The following FHIT variants were observed in gnomAD, a reference collection of about 807,000 sequenced individuals.
FHIT encodes bis(5'-adenosyl)-triphosphatase.
Under a neutral mutation model 17.9 loss-of-function variants are expected in FHIT, and 19 were observed. That is an observed-to-expected ratio of 1.06 (90% CI 0.74 to 1.56). The LOEUF (loss-of-function observed/expected upper bound fraction) is 1.56, where lower values mean the gene tolerates loss of function less well. Ranked by LOEUF, FHIT falls within the 40% of genes most tolerant of loss-of-function variation. The pLI, the probability that FHIT is intolerant of heterozygous loss-of-function variation, is 0.00. For synonymous variants in FHIT, 81 were observed against 69.7 expected (o/e 1.16, Z -0.81); for missense variants, 248 against 189.2 (o/e 1.31, Z -1.82).
intron 5 of FHIT, among the ~76,000 whole-genome samples, chr3:60,152,922 T>G (rs1162577419): frequency 6.6e-6 from 1 of 152,204 alleles, no homozygotes; most frequent in Non-Finnish European, 1.5e-5. Flanking sequence ...ATGCTCATTT[T>G]GTAGCTACAA....
At chr3:60,052,720 T>C (rs1376288797) in intron 5 of FHIT, among the ~76,000 whole-genome samples, 1 of 149,784 alleles carries the variant, frequency 6.7e-6, no homozygotes, top group Non-Finnish European at 1.5e-5. Flanking sequence ...CCATCTAGGA[T>C]GGGATGGGAA....
At chr3:60,057,559 T>A (rs1374777420) in intron 5 of FHIT, among the ~76,000 whole-genome samples, 1 of 152,204 alleles carries the variant, frequency 6.6e-6, no homozygotes, top group Non-Finnish European at 1.5e-5. Flanking sequence ...ATATTGTGAT[T>A]CTGAAACCAA....
At chr3:59,956,953 A>G (rs927725205) in intron 7 of FHIT, among the ~76,000 whole-genome samples, 3 of 152,158 alleles carry the variant, frequency 2.0e-5, no homozygotes, top group Non-Finnish European at 4.4e-5. Flanking sequence ...ACTAATCTAA[A>G]TTGGTCATCA....
chr3:60,188,679 T>C (rs1576278447), intron 5 of FHIT, among the ~76,000 whole-genome samples: 1 of 152,296 alleles, frequency 6.6e-6, no homozygotes, highest in East Asian at 1.9e-4. Flanking sequence ...TGCATCATAA[T>C]ATATATCACA....
intron 4 of FHIT, among the ~76,000 whole-genome samples, chr3:60,545,830 A>G (rs993267816): frequency 6.9e-6 from 1 of 143,954 alleles, no homozygotes; most frequent in African/African-American, 2.6e-5. Flanking sequence ...AATAAGTTCT[A>G]TATACATGAG....
At chr3:61,131,429 C>G (rs982981143) in intron 2 of FHIT, among the ~76,000 whole-genome samples, 1 of 152,218 alleles carries the variant, frequency 6.6e-6, no homozygotes, top group Non-Finnish European at 1.5e-5. Flanking sequence ...ATTCTCCTTC[C>G]TCAGCACACT....
intron 2 of FHIT, among the ~76,000 whole-genome samples, chr3:61,051,829 C>T (rs2034039595): frequency 6.6e-6 from 1 of 152,074 alleles, no homozygotes; most frequent in African/African-American, 2.4e-5. Flanking sequence ...AAAGTAGAGT[C>T]AAAATTCATG....
At chr3:59,853,927 C>G (rs918697219) in intron 8 of FHIT, among the ~76,000 whole-genome samples, 1 of 152,032 alleles carries the variant, frequency 6.6e-6, no homozygotes, top group African/African-American at 2.4e-5. Flanking sequence ...CGTTGCAATC[C>G]ACACTCCTGC....
intron 5 of FHIT, among the ~76,000 whole-genome samples, chr3:60,042,185 T>G (rs1701469176): frequency 6.6e-6 from 1 of 152,184 alleles, no homozygotes; most frequent in Non-Finnish European, 1.5e-5. Context: ...GCATTAGAAA[T>G]TTATTAGAAG....
Position 60,747,238 on chromosome 3 carries a change from C to T in FHIT, c.-18+74681G>A, listed in dbSNP as rs560172153. Among the ~76,000 whole-genome samples the T allele has an allele frequency of 1.1e-3, 167 of 152,244 alleles. No individual in the cohort carries two copies. In the Middle Eastern group the frequency reaches 0.014, roughly 12 times the overall value. The stretch of plus-strand genomic sequence containing the variant: ...ACTGCTCCTCTCTGCCTGGAATTGT[C>T]TAATTCCTGCCATTCCTCGGATCTG... On this transcript the variant is annotated intron_variant, in intron 4 of 9. Transcript: ENST00000492590.
intron 5 of FHIT, among the ~76,000 whole-genome samples, chr3:60,197,600 A>G (rs1001395277): frequency 6.6e-6 from 1 of 152,214 alleles, no homozygotes; most frequent in Admixed American, 6.5e-5. Flanking sequence ...TGGTAACACT[A>G]TACAACATCC....
chr3:60,036,045 G>A (rs1270334410), intron 5 of FHIT, among the ~76,000 whole-genome samples: 1 of 152,168 alleles, frequency 6.6e-6, no homozygotes, highest in East Asian at 1.9e-4. Context: ...CATCCCAAGG[G>A]GAAGAGAAAA....
chr3:60,913,216 A>C (rs1553766333), intron 3 of FHIT, among the ~76,000 whole-genome samples: 1 of 152,174 alleles, frequency 6.6e-6, no homozygotes, highest in Non-Finnish European at 1.5e-5. Flanking sequence ...TATTTGTTTG[A>C]CTCTATAGTG....
At chr3:60,190,309 C>T (rs1053890097) in intron 5 of FHIT, among the ~76,000 whole-genome samples, 9 of 148,208 alleles carry the variant, frequency 6.1e-5, no homozygotes, top group African/African-American at 1.5e-4. Context: ...TCAGAAATGA[C>T]GCAGTGAAAT....
At chr3:60,010,483 AC>A (rs1390682417) in intron 7 of FHIT, among the ~76,000 whole-genome samples, 1 of 152,240 alleles carries the variant, frequency 6.6e-6, no homozygotes, top group Non-Finnish European at 1.5e-5. Context: ...AAGGGAACTT[AC>A]GTTTATTTGG....
At chr3:59,837,483 C>G (rs965382042) in intron 8 of FHIT, among the ~76,000 whole-genome samples, 2 of 151,990 alleles carry the variant, frequency 1.3e-5, no homozygotes, top group African/African-American at 4.8e-5. Flanking sequence ...CCCCCCACCC[C>G]CCAAATATTT....
chr3:60,655,741 C>A (rs2040100018), intron 4 of FHIT, among the ~76,000 whole-genome samples: 1 of 152,156 alleles, frequency 6.6e-6, no homozygotes, highest in Non-Finnish European at 1.5e-5. Flanking sequence ...TCCCCAAGTG[C>A]TAATTGCATA....
intron 5 of FHIT, among the ~76,000 whole-genome samples, chr3:60,271,937 G>A (rs146718512): frequency 2.8e-4 from 42 of 152,262 alleles, no homozygotes; most frequent in African/African-American, 9.1e-4. Context: ...AGTGCTTTAT[G>A]TACATTGTTT....
chr3:60,722,317 T>A (rs1361765571), intron 4 of FHIT, among the ~76,000 whole-genome samples: 1 of 152,214 alleles, frequency 6.6e-6, no homozygotes, highest in East Asian at 1.9e-4. Context: ...GCATGGAGAA[T>A]TTCTCATTTT....
Sources: gnomAD v4.1 joint callset for allele counts (sites outside exome capture counted in the v4.1 genomes callset) on GRCh38, gnomAD v4.1.1 for gene constraint, MANE v1.5 for transcripts, NCBI Gene and HGNC (gene_info 2026-07-23, HGNC 2026-07-21) for gene names.